AADACL3: variants seen among roughly 807,000 people sequenced by gnomAD.
The protein encoded by AADACL3 is arylacetamide deacetylase-like 3.
AADACL3 carries 13 observed loss-of-function variants against 13.6 expected under a neutral mutation model. The ratio of observed to expected loss-of-function variants is 0.95; its 90% CI spans 0.62 to 1.52. AADACL3 has a LOEUF of 1.52. Ranked by LOEUF, AADACL3 falls within the 40% of genes most tolerant of loss-of-function variation. The probability of loss-of-function intolerance (pLI) is 0.00; values close to 1 mark genes in which losing one functional copy is unlikely to be tolerated. For missense variants in AADACL3, 519 were observed against 499.2 expected (o/e 1.04, Z -0.38); for synonymous variants, 195 against 197.0 (o/e 0.99, Z 0.08).
intron 3 of AADACL3, among the ~76,000 whole-genome samples, chr1:12,724,721 A>G (rs1327208818): frequency 6.6e-6 from 1 of 152,142 alleles, no homozygotes; most frequent in Non-Finnish European, 1.5e-5. Context: ...CTTGGACTCA[A>G]TGGATCGGCC....
rs1189638940 is a variant in AADACL3 at position 12,719,585 on chromosome 1, C to T, written c.279C>T (p.Arg93=). ...CCGATGTTGTGGTCACGGATTTCCGCTTTGGGACAATCCCTGTGAAGCTGT... is the reference window on the plus strand; with the variant it reads ...CCGATGTTGTGGTCACGGATTTCCGTTTTGGGACAATCCCTGTGAAGCTGT... The part of the protein sequence containing the change: ...YDPDVVVTDF[R]FGTIPVKLYQ... Residue 93 remains arginine (R), a synonymous_variant, in exon 2 of 4, where the codon CGC becomes CGT. Transcript: ENST00000359318. The T allele has an allele frequency of 6.2e-7, 1 of 1,614,050 alleles. No individual in the cohort carries two copies. The highest frequency in any genetic ancestry group is 1.3e-5 in the African/African-American group (1 of 74,932).
chr1:12,719,745 C>G (rs1303702154), intron 2 of AADACL3, 54 bp downstream of exon 2: 32 of 1,527,136 alleles, frequency 2.1e-5, no homozygotes, highest in Non-Finnish European at 2.7e-5. Context: ...CTTAACATAA[C>G]TTGGAAGAAT....
At chr1:12,717,991 G>T (rs867451652) in intron 1 of AADACL3, among the ~76,000 whole-genome samples, 11 of 152,182 alleles carry the variant, frequency 7.2e-5, no homozygotes, top group Middle Eastern at 6.8e-3. Context: ...GCCAGACCTC[G>T]ACTTTTCACC....
intron 3 of AADACL3, among the ~76,000 whole-genome samples, 171 bp from the exon 4 acceptor site, chr1:12,725,051 C>G (rs1408807254): frequency 2.6e-5 from 4 of 152,192 alleles, no homozygotes; most frequent in Non-Finnish European, 4.4e-5. Flanking sequence ...TGGCACCTGC[C>G]TAGGTATGTG....
chr1:12,724,297 C>T (rs1340469049), intron 3 of AADACL3, among the ~76,000 whole-genome samples: 2 of 152,052 alleles, frequency 1.3e-5, no homozygotes, highest in Non-Finnish European at 2.9e-5. Flanking sequence ...TTTAGACATG[C>T]TCATGAATGT....
intron 1 of AADACL3, among the ~76,000 whole-genome samples, chr1:12,718,042 C>T (rs191946601): frequency 2.0e-4 from 31 of 152,120 alleles, no homozygotes; most frequent in African/African-American, 6.0e-4. Context: ...TTAGATATTG[C>T]GAAAACTCAT....
chr1:12,722,091 C>A (rs375048609), intron 3 of AADACL3, among the ~76,000 whole-genome samples: 52 of 152,200 alleles, frequency 3.4e-4, no homozygotes, highest in African/African-American at 1.2e-3. Flanking sequence ...CAGCACGAGG[C>A]CAAGGTGGGT....
chr1:12,726,053 A>G lies in AADACL3; in HGVS notation c.*57A>G, dbSNP rs182399469. 20 of 1,544,608 alleles carry G rather than the reference A, an allele frequency of 1.3e-5. No individual in the cohort carries two copies. The African/African-American group carries it at 2.5e-4, about 19-fold the overall frequency. ...GGATTCCACTGGCATCCAGCCTCCC[A>G]CAGGGCTCTCTGTTGCTGATTTAGG... On this transcript the variant is annotated 3_prime_UTR_variant, in exon 4 of 4. Transcript: ENST00000359318.
At chr1:12,717,874 AG>A (rs1361489177) in intron 1 of AADACL3, among the ~76,000 whole-genome samples, 1 of 152,102 alleles carries the variant, frequency 6.6e-6, no homozygotes, top group African/African-American at 2.4e-5. Context: ...ACAGAACACA[AG>A]GGGGTCATGG....
At chr1:12,723,804 AC>A (rs1362932382) in intron 3 of AADACL3, among the ~76,000 whole-genome samples, 1 of 131,950 alleles carries the variant, frequency 7.6e-6, no homozygotes, top group Admixed American at 7.9e-5. Context: ...TTTTTTTGAG[AC>A]AGAGTTTCAC....
intron 3 of AADACL3, among the ~76,000 whole-genome samples, chr1:12,723,828 G>T (rs1394614970): frequency 6.9e-6 from 1 of 144,538 alleles, no homozygotes; most frequent in African/African-American, 2.6e-5. Context: ...TTGTTGCCCA[G>T]GTTGGAGTGC....
chr1:12,723,658 T>C (rs1002527936), intron 3 of AADACL3, among the ~76,000 whole-genome samples: 1 of 152,064 alleles, frequency 6.6e-6, no homozygotes, highest in African/African-American at 2.4e-5. Context: ...TTTGTATTTT[T>C]GGTAGAGGCA....
At chr1:12,722,707 C>T (rs1213849958) in intron 3 of AADACL3, among the ~76,000 whole-genome samples, 1 of 150,674 alleles carries the variant, frequency 6.6e-6, no homozygotes, top group East Asian at 1.9e-4. Context: ...AATTTGTGAC[C>T]AGCATTTAAA....
In AADACL3 at chr1:12,725,089, C is replaced by T. The variant is rs146724852; in HGVS notation, c.450-133C>T. The T allele has an allele frequency of 1.7e-4, 163 of 943,236 alleles. No individual in the cohort carries two copies. In the African/African-American group the frequency reaches 2.5e-3, roughly 14 times the overall value. 58.4% of individuals were successfully genotyped at this position (943,236 alleles called of 1,614,324 possible). On this transcript the variant is annotated intron_variant, in intron 3 of 3. Coordinates refer to ENST00000359318, the MANE Select transcript of AADACL3 (RefSeq NM_001103170.3). ...CTTTATGTGTCTCATCTCATTTAAG[C>T]CTCACACCTAACTTTAACTGCTCAA...
chr1:12,724,002 TTGAACTCCTGACCTCAGG>T (rs1638315960), intron 3 of AADACL3, among the ~76,000 whole-genome samples: 1 of 151,988 alleles, frequency 6.6e-6, no homozygotes, highest in African/African-American at 2.4e-5. Context: ...CAGGCTGGTC[TTGAACTCCTGACCTCAGG>T]TGATCCACCT....
At position 12,726,057 on chromosome 1, in the gene AADACL3, G is replaced by C; in HGVS notation, c.*61G>C. 2.0e-6 allele frequency: 3 copies of C among 1,536,964 alleles called. No homozygotes were observed. Among genetic ancestry groups the C allele is most frequent in the Non-Finnish European group, 2.6e-6 (3 of 1,140,228 alleles). On this transcript the variant is annotated 3_prime_UTR_variant, in exon 4 of 4. Transcript: ENST00000359318. ...TCCACTGGCATCCAGCCTCCCACAG[G>C]GCTCTCTGTTGCTGATTTAGGTGGT...
rs777183240 is a variant in AADACL3 at position 12,725,246 on chromosome 1, G to A, written c.474G>A (p.Lys158=). 1 of 1,607,866 alleles carries A rather than the reference G, an allele frequency of 6.2e-7. No homozygotes were observed. The highest frequency in any genetic ancestry group is 1.7e-5 in the Admixed American group (1 of 58,500). ...GTTACCGCAAGTTACCTAAGCATAA[G>A]TTTCCAGTGCCAGTAAGAGACTGCT... is the stretch of plus-strand genomic sequence containing the variant. ...AVGYRKLPKH[K]FPVPVRDCLV... The change falls in exon 4 of 4, where the codon AAG becomes AAA. Residue 158 remains lysine (K), a synonymous_variant. Transcript: ENST00000359318.
chr1:12,717,586 A>G (rs1237836904), intron 1 of AADACL3, among the ~76,000 whole-genome samples: 3 of 152,194 alleles, frequency 2.0e-5, no homozygotes, highest in African/African-American at 7.2e-5. Context: ...GGCCAATGAC[A>G]GGTGAGAGAG....
Position 12,719,570 on chromosome 1 carries a change from G to A in AADACL3, c.264G>A (p.Val88=), listed in dbSNP as rs776272452. 6 of 1,614,058 alleles carry A rather than the reference G, an allele frequency of 3.7e-6. No individual in the cohort carries two copies. Among genetic ancestry groups the A allele is most frequent in the Middle Eastern group, 3.3e-4 (2 of 6,062 alleles). Residue 88 remains valine, a synonymous_variant, in exon 2 of 4, where the codon GTG becomes GTA. Transcript: ENST00000359318. ...CGCTAAAGTATGACCCCGATGTTGTGGTCACGGATTTCCGCTTTGGGACAA... is the reference window on the plus strand; with the variant it reads ...CGCTAAAGTATGACCCCGATGTTGTAGTCACGGATTTCCGCTTTGGGACAA... The part of the protein sequence containing the change: ...LPPLKYDPDV[V]VTDFRFGTIP...
Sources: gnomAD v4.1 joint callset for allele counts (sites outside exome capture counted in the v4.1 genomes callset) on GRCh38, gnomAD v4.1.1 for gene constraint, MANE v1.5 for transcripts, NCBI Gene and HGNC (gene_info 2026-07-23, HGNC 2026-07-21) for gene names.